The following ENTR1 variants were observed in gnomAD, a reference collection of about 807,000 sequenced individuals.
ENTR1 encodes the protein endosome-associated-trafficking regulator 1.
ENTR1 carries 47 observed loss-of-function variants against 47.9 expected under a neutral mutation model. That is an observed-to-expected ratio of 0.98 (90% CI 0.78 to 1.25). The LOEUF is 1.25. Among genes scored for constraint, ENTR1 ranks in the 50% most tolerant of loss-of-function variants. The pLI is 0.00. For missense variants in ENTR1, 668 were observed against 570.5 expected, an observed-to-expected ratio of 1.17 and a Z score of -1.74; for synonymous variants, 290 against 245.8, an observed-to-expected ratio of 1.18 and a Z score of -1.68.
At chr9:136,405,839 T>C in intron 6 of ENTR1, 66 bp downstream of exon 6, 1 of 997,696 alleles carries the variant, frequency 1.0e-6, no homozygotes. Flanking sequence ...TTCATTATCA[T>C]TTAAAAACGG....
At chr9:136,409,272 C>T (rs1309158866) in intron 2 of ENTR1, among the ~76,000 whole-genome samples, 10 of 152,008 alleles carry the variant, frequency 6.6e-5, no homozygotes, top group Admixed American at 6.6e-4. Context: ...GCTCCGCCTC[C>T]TGGGTTCACG....
chr9:136,408,963 T>C, intron 3 of ENTR1, 36 bp downstream of exon 3: 2 of 1,579,892 alleles, frequency 1.3e-6, no homozygotes, highest in Non-Finnish European at 1.7e-6. Flanking sequence ...CTGTGTTGGA[T>C]GGAGACAAGA....
At chr9:136,405,767 A>G (rs2131553515) in intron 6 of ENTR1, 138 bp downstream of exon 6, 1 of 562,588 alleles carries the variant, frequency 1.8e-6, no homozygotes, top group East Asian at 3.2e-5. Context: ...AGAACACAGA[A>G]ATGTGTTTGA....
chr9:136,402,887 C>T lies in ENTR1; in HGVS notation c.1209G>A (p.Lys403=), dbSNP rs1475350414. 6.2e-7 allele frequency: 1 copy of T among 1,610,036 alleles called. No individual in the cohort carries two copies. Among genetic ancestry groups the T allele is most frequent in the Non-Finnish European group, 8.5e-7 (1 of 1,179,022 alleles). ...VVMNSAQASI[K]QLVSGAETLN... Reference sequence around the variant, plus strand: ...GTGTCTCAGCTCCGGAAACCAGTTGCCTGAAAACAAGCATGGATATCAGGA... The same window carrying T: ...GTGTCTCAGCTCCGGAAACCAGTTGTCTGAAAACAAGCATGGATATCAGGA... The change falls in exon 10 of 10, where the codon AAG becomes AAA. Residue 403 remains lysine, a splice_region_variant and synonymous_variant. Transcript: ENST00000357365.
chr9:136,410,068 G>C (rs774186612), intron 2 of ENTR1, 22 bp downstream of exon 2: 1 of 1,612,396 alleles, frequency 6.2e-7, no homozygotes, highest in African/African-American at 1.3e-5. Flanking sequence ...GCGTCCCCGG[G>C]GCCGGCGCCC....
chr9:136,410,531 G>A lies in ENTR1; in HGVS notation c.-134C>T, dbSNP rs981867793. ...CGTCGCCCGCCGCTCGGCCGCCCCC[G>A]CGCCTCCGAGCCTCTCGCCGCTGCT... is the stretch of plus-strand genomic sequence containing the variant. On this transcript the variant is annotated 5_prime_UTR_variant, in exon 1 of 10. Transcript: ENST00000357365. The A allele has an allele frequency of 5.7e-6, 6 of 1,057,654 alleles. No homozygotes were observed. Among genetic ancestry groups the A allele is most frequent in the Middle Eastern group, 3.6e-4 (1 of 2,786 alleles). The allele number at this position is 1,057,654 out of a possible 1,614,324, so 65.5% of individuals were successfully genotyped here.
chr9:136,402,884 T>G lies in ENTR1; in HGVS notation c.1212A>C (p.Gln404His). The change falls in exon 10 of 10, where the codon CAA (glutamine) becomes CAC (histidine). Residue 404 changes from glutamine (Q) to histidine (H), a missense_variant. Transcript: ENST00000357365. ...TCAGTGTCTCAGCTCCGGAAACCAGTTGCCTGAAAACAAGCATGGATATCA... is the reference window on the plus strand; with the variant it reads ...TCAGTGTCTCAGCTCCGGAAACCAGGTGCCTGAAAACAAGCATGGATATCA... ...VMNSAQASIK[Q>H]LVSGAETLNL... The G allele has an allele frequency of 1.2e-6, 2 of 1,610,828 alleles. No individual in the cohort carries two copies. Among genetic ancestry groups the G allele is most frequent in the Non-Finnish European group, 1.7e-6 (2 of 1,179,202 alleles).
chr9:136,408,032 T>TG (rs1294680274), intron 3 of ENTR1, 94 bp from the exon 4 acceptor site: 13 of 792,190 alleles, frequency 1.6e-5, no homozygotes, highest in Non-Finnish European at 2.4e-5. Context: ...CATGGCCACA[T>TG]GTGAGATCGG....
In ENTR1 at chr9:136,409,084, T is replaced by C. The variant is rs1244909908; in HGVS notation, c.221-17A>G. The C allele has an allele frequency of 3.7e-6, 6 of 1,612,942 alleles. No homozygotes were observed. Among genetic ancestry groups the C allele is most frequent in the Non-Finnish European group, 5.1e-6 (6 of 1,179,122 alleles). On this transcript the variant is annotated splice_polypyrimidine_tract_variant and intron_variant, in intron 2 of 9. Coordinates refer to ENST00000357365, the MANE Select transcript of ENTR1 (RefSeq NM_001039707.2). ...AGCCAAAATCTGCAAAGAAACAATG[T>C]CACCCACCATGCTGGCAGGAAGTCT...
At chr9:136,408,556 C>G (rs187602827) in intron 3 of ENTR1, among the ~76,000 whole-genome samples, 3,602 of 152,044 alleles carry the variant, frequency 0.024, 59 homozygotes, top group Middle Eastern at 0.095. Flanking sequence ...CCAGCCTGGG[C>G]GACAGAGCGA....
At position 136,405,869 on chromosome 9, in the gene ENTR1, G is replaced by A. The variant is rs771127953; in HGVS notation, c.893+36C>T. On this transcript the variant is annotated intron_variant, in intron 6 of 9. Transcript: ENST00000357365. ...AAACGGATTTCCCTGTGTATTAGAT[G>A]TTGTGGATTGCATTCCTAACTAAAA... 7 of 1,322,342 alleles carry A rather than the reference G, an allele frequency of 5.3e-6. 1 individual carries two copies. In the South Asian group the frequency reaches 7.6e-5, roughly 14 times the overall value. 81.9% of individuals were successfully genotyped at this position (1,322,342 alleles called of 1,614,324 possible).
At chr9:136,409,827 G>T in intron 2 of ENTR1, 1 of 606,970 alleles carries the variant, frequency 1.6e-6, no homozygotes. Context: ...CCCGACTCCA[G>T]CCCCACGAGG....
chr9:136,409,341 C>A (rs1017857089), intron 2 of ENTR1, among the ~76,000 whole-genome samples: 1 of 152,118 alleles, frequency 6.6e-6, no homozygotes, highest in Admixed American at 6.5e-5. Context: ...CCACCACGCC[C>A]GGCTAATTTT....
chr9:136,407,926 T>C lies in ENTR1; in HGVS notation c.302A>G (p.Glu101Gly), dbSNP rs762352447. 1 of 1,597,884 alleles carries C rather than the reference T, an allele frequency of 6.3e-7. No individual in the cohort carries two copies. Among genetic ancestry groups the C allele is most frequent in the East Asian group, 2.2e-5 (1 of 44,752 alleles). Residue 101 changes from glutamate to glycine, a missense_variant, in exon 4 of 10, where the codon GAA becomes GGA. Coordinates refer to ENST00000357365, the MANE Select transcript of ENTR1 (RefSeq NM_001039707.2). ...HGTHFGDDRF[E>G]DLEEANPFSF... ...GAATGGATTTGCCTCTTCCAGATCT[T>C]CAAATCTGTCATCTGAAATAACAGA...
chr9:136,405,018 T>G (rs747916610), intron 7 of ENTR1, 73 bp downstream of exon 7: 13 of 1,217,590 alleles, frequency 1.1e-5, no homozygotes, highest in Non-Finnish European at 1.6e-5. Context: ...CACCGGCTGC[T>G]GAGGACAACA....
rs1238219904 is a variant in ENTR1 at position 136,404,664 on chromosome 9, G to A, written c.1035C>T (p.Val345=). 14 of 1,613,922 alleles carry A rather than the reference G, an allele frequency of 8.7e-6. No homozygotes were observed. The highest frequency in any genetic ancestry group is 2.7e-5 in the African/African-American group (2 of 74,894). The change falls in exon 8 of 10, where the codon GTC becomes GTT. Residue 345 remains valine, a synonymous_variant. Coordinates refer to ENST00000357365, the MANE Select transcript of ENTR1 (RefSeq NM_001039707.2). ...AACTGATTTCCTGTTTTAGTTTCACGACGTGGTTTTCTGCCTTTACAGCCC... is the reference window on the plus strand; with the variant it reads ...AACTGATTTCCTGTTTTAGTTTCACAACGTGGTTTTCTGCCTTTACAGCCC... ...TKRAVKAENH[V]VKLKQEISLL...
intron 9 of ENTR1, 89 bp downstream of exon 9, chr9:136,403,966 C>A: frequency 7.0e-7 from 1 of 1,429,860 alleles, no homozygotes. Flanking sequence ...ACGGTGCCAT[C>A]AGCCTGGGCC....
At chr9:136,403,360 GGGGTTTGCC>G (rs1834593015) in intron 9 of ENTR1, among the ~76,000 whole-genome samples, 1 of 106,822 alleles carries the variant, frequency 9.4e-6, no homozygotes, top group Non-Finnish European at 2.1e-5. Flanking sequence ...AGCAAGGGGT[GGGGTTTGCC>G]GGGGGAGAAA....
At chr9:136,409,766 G>A (rs1834988275) in intron 2 of ENTR1, 1 of 439,582 alleles carries the variant, frequency 2.3e-6, no homozygotes, top group Non-Finnish European at 4.4e-6. Flanking sequence ...TGTGGAGGCA[G>A]ATGGAATGCT....
Sources: allele counts gnomAD v4.1 joint callset (sites outside exome capture counted in the v4.1 genomes callset), GRCh38; gene constraint gnomAD v4.1.1; transcripts MANE v1.5; gene names NCBI Gene and HGNC (gene_info 2026-07-23, HGNC 2026-07-21).